The following GSDMC variants were observed in gnomAD, a reference collection of about 807,000 sequenced individuals.
GSDMC encodes gasdermin-C.
A neutral mutation model predicts 58.0 loss-of-function variants in GSDMC; 59 were observed. The observed-to-expected ratio is 1.02, with a 90% CI of 0.82 to 1.26. The LOEUF is 1.26. GSDMC is among the 50% of genes most tolerant of loss of function. The probability of loss-of-function intolerance (pLI) is 0.00; values close to 1 mark genes in which losing one functional copy is unlikely to be tolerated. For missense variants in GSDMC, 659 were observed against 598.5 expected (o/e 1.10, Z -1.06); for synonymous variants, 241 against 220.2 (o/e 1.09, Z -0.83).
chr8:129,780,612 A>G (rs2130575846), intron 1 of GSDMC, among the ~76,000 whole-genome samples: 1 of 152,346 alleles, frequency 6.6e-6, no homozygotes, highest in Non-Finnish European at 1.5e-5. Flanking sequence ...AGATTTCATC[A>G]ACACCAAACC....
chr8:129,735,718 T>G, the GSDMC span, among the ~76,000 whole-genome samples: 1 of 152,098 alleles, frequency 6.6e-6, no homozygotes, highest in Admixed American at 6.6e-5. Flanking sequence ...AGATCTAAAA[T>G]TGACACCCTA....
At chr8:129,711,374 T>G in the GSDMC span, among the ~76,000 whole-genome samples, 1 of 152,200 alleles carries the variant, frequency 6.6e-6, no homozygotes, top group African/African-American at 2.4e-5. Flanking sequence ...TGGAAGAGAT[T>G]TGTTGATTTA....
chr8:129,743,848 C>G (rs935959988), downstream of GSDMC, among the ~76,000 whole-genome samples: 1 of 152,158 alleles, frequency 6.6e-6, no homozygotes, highest in Non-Finnish European at 1.5e-5. Flanking sequence ...AATGAATGTC[C>G]TGAGTGTTCA....
At chr8:129,765,953 C>G (rs1159429706) in intron 3 of GSDMC, among the ~76,000 whole-genome samples, 160 bp from the exon 4 acceptor site, 1 of 152,152 alleles carries the variant, frequency 6.6e-6, no homozygotes, top group African/African-American at 2.4e-5. Flanking sequence ...AATGTTTTAT[C>G]TGACATACAG....
the GSDMC span, among the ~76,000 whole-genome samples, chr8:129,742,803 T>C: frequency 1.3e-5 from 2 of 152,220 alleles, no homozygotes; most frequent in Non-Finnish European, 2.9e-5. Flanking sequence ...GTGGGTTTTT[T>C]AGTTGTTTCC....
the GSDMC span, among the ~76,000 whole-genome samples, chr8:129,719,021 C>T: frequency 1.2e-3 from 187 of 152,000 alleles, no homozygotes; most frequent in East Asian, 1.5e-3. Context: ...TATCACACAC[C>T]GGGGCCTGTC....
chr8:129,730,198 A>G, the GSDMC span: 2 of 1,211,908 alleles, frequency 1.7e-6, no homozygotes, highest in East Asian at 2.5e-5. Flanking sequence ...TACAACATGT[A>G]TCTAGAAGAA....
At chr8:129,721,594 T>C in the GSDMC span, among the ~76,000 whole-genome samples, 1,813 of 125,356 alleles carry the variant, frequency 0.014, 36 homozygotes, top group African/African-American at 0.07. Context: ...AAATTACCTC[T>C]CATAAAGATA....
downstream of GSDMC, among the ~76,000 whole-genome samples, chr8:129,745,145 T>C (rs371931215): frequency 1.3e-5 from 2 of 152,256 alleles, no homozygotes; most frequent in Non-Finnish European, 2.9e-5. Context: ...ATGACCTCAA[T>C]GTAGCAAAAT....
chr8:129,736,608 T>C, the GSDMC span, among the ~76,000 whole-genome samples: 2 of 152,202 alleles, frequency 1.3e-5, no homozygotes, highest in African/African-American at 4.8e-5. Flanking sequence ...CTAAAAACTC[T>C]CAATAAATTA....
chr8:129,729,958 G>A, the GSDMC span: 1 of 1,511,644 alleles, frequency 6.6e-7, no homozygotes. Context: ...GGAGCTGCGG[G>A]GGCAGCATGT....
At chr8:129,754,757 G>A (rs1476875612) in intron 6 of GSDMC, among the ~76,000 whole-genome samples, 1 of 152,096 alleles carries the variant, frequency 6.6e-6, no homozygotes, top group Non-Finnish European at 1.5e-5. Context: ...ATTTAAAAAA[G>A]AAATTGAAAT....
At chr8:129,771,288 A>G (rs75222473) in intron 3 of GSDMC, among the ~76,000 whole-genome samples, 1,535 of 152,200 alleles carry the variant, frequency 0.01, 29 homozygotes, top group African/African-American at 0.034. Flanking sequence ...ATGCAGAAAT[A>G]TAAGACTTGA....
chr8:129,719,141 C>A, the GSDMC span, among the ~76,000 whole-genome samples: 3 of 152,044 alleles, frequency 2.0e-5, no homozygotes, highest in African/African-American at 4.8e-5. Context: ...ATGTAACAAA[C>A]CTGCATGTTC....
chr8:129,748,543 G>A lies in GSDMC; in HGVS notation c.1485C>T (p.Leu495=), dbSNP rs772342562. The A allele has an allele frequency of 2.1e-5, 34 of 1,613,174 alleles. No individual in the cohort carries two copies. The South Asian group carries it at 2.9e-4, about 14-fold the overall frequency. ...DVEAKMPLSA[L]YGTLSLLQQL... The stretch of plus-strand genomic sequence containing the variant: ...GCTGCAGCAACGAGAGAGTCCCATA[G>A]AGGGCAGACAGGGGCATCTTTGCTT... Residue 495 remains leucine, a synonymous_variant, in exon 14 of 14, where the codon CTC becomes CTT. Coordinates refer to ENST00000276708, the MANE Select transcript of GSDMC (RefSeq NM_031415.3).
At chr8:129,768,623 T>A (rs1192828183) in intron 3 of GSDMC, among the ~76,000 whole-genome samples, 2 of 152,124 alleles carry the variant, frequency 1.3e-5, no homozygotes, top group Non-Finnish European at 2.9e-5. Context: ...GAAGAATTAG[T>A]GGACTCAAAG....
intron 3 of GSDMC, among the ~76,000 whole-genome samples, chr8:129,769,084 AAGGAGAGGAGAGGAG>A (rs59634816): frequency 1.6e-4 from 24 of 145,692 alleles, no homozygotes; most frequent in South Asian, 2.2e-4. Flanking sequence ...TCACAAAGGA[AAGGAGAGGAGAGGAG>A]AGGAGAGGAG....
chr8:129,726,650 C>T, the GSDMC span, among the ~76,000 whole-genome samples: 4 of 152,160 alleles, frequency 2.6e-5, no homozygotes, highest in Admixed American at 2.6e-4. Flanking sequence ...GAATTCAATA[C>T]ACTTACTTTT....
intron 3 of GSDMC, among the ~76,000 whole-genome samples, chr8:129,766,467 T>C (rs751525235): frequency 3.3e-5 from 5 of 152,214 alleles, no homozygotes; most frequent in Admixed American, 6.5e-5. Context: ...TGTGGAATAT[T>C]GAGGGATTCT....
Sources: gnomAD v4.1 joint callset for allele counts (sites outside exome capture counted in the v4.1 genomes callset) on GRCh38, gnomAD v4.1.1 for gene constraint, MANE v1.5 for transcripts, NCBI Gene and HGNC (gene_info 2026-07-23, HGNC 2026-07-21) for gene names.